TRIM71: variants seen among roughly 807,000 people sequenced by gnomAD.
The protein encoded by TRIM71 is E3 ubiquitin-protein ligase TRIM71.
A neutral mutation model predicts 61.2 loss-of-function variants in TRIM71; 9 were observed. The observed-to-expected ratio is 0.15, with a 90% CI of 0.09 to 0.26. The LOEUF (loss-of-function observed/expected upper bound fraction) is 0.26. TRIM71 is among the 10% of genes least tolerant of loss of function. The pLI, the probability that TRIM71 is intolerant of heterozygous loss-of-function variation, is 1.00. For synonymous variants in TRIM71, 645 were observed against 553.2 expected (o/e 1.17, Z -2.33); for missense variants, 998 against 1,238.7 (o/e 0.81, Z 2.92).
chr3:32,891,907 G>T lies in TRIM71; in HGVS notation c.*96G>T. ...CTCTCTCTTTTTGAATTTCAAAGAA[G>T]AAACAGTCTCAGGGAAATTTCTTTT... On this transcript the variant is annotated 3_prime_UTR_variant, in exon 4 of 4. Coordinates refer to ENST00000383763, the MANE Select transcript of TRIM71 (RefSeq NM_001039111.3). The surrounding 1 kb of genome is among the most constrained non-coding windows in gnomAD (Gnocchi z 8.2). 2 of 1,484,244 alleles carry T rather than the reference G, an allele frequency of 1.3e-6. No homozygotes were observed. Among genetic ancestry groups the T allele is most frequent in the Non-Finnish European group, 1.8e-6 (2 of 1,121,316 alleles). The allele number at this position is 1,484,244 out of a possible 1,614,324, so 91.9% of individuals were successfully genotyped here. A position where few individuals can be genotyped will look rare whatever the true frequency, so the allele number is the denominator to read the frequency against.
rs1696084661 is a variant in TRIM71 at position 32,818,466 on chromosome 3, A to C, written c.386A>C (p.Glu129Ala). The C allele has an allele frequency of 1.4e-6, 2 of 1,453,820 alleles. No homozygotes were observed. The highest frequency in any genetic ancestry group is 1.8e-6 in the Non-Finnish European group (2 of 1,107,818). 90.1% of individuals were successfully genotyped at this position (1,453,820 alleles called of 1,614,324 possible). A position where few individuals can be genotyped will look rare whatever the true frequency, so the allele number is the denominator to read the frequency against. The part of the protein sequence containing the change: ...LLDAVVATAD[E>A]PPPKNGRAGA... ...GACGCGGTGGTGGCCACTGCCGACG[A>C]GCCGCCGCCCAAGAACGGGCGCGCC... is the stretch of plus-strand genomic sequence containing the variant. Residue 129 changes from glutamate (E) to alanine (A), a missense_variant, in exon 1 of 4, where the codon GAG becomes GCG. This residue lies in a region of TRIM71 where 527 missense variants were observed against 427.8 expected (regional missense o/e 1.23). Transcript: ENST00000383763.
chr3:32,869,638 A>T (rs539963511), intron 1 of TRIM71, among the ~76,000 whole-genome samples: 1 of 152,230 alleles, frequency 6.6e-6, no homozygotes, highest in Admixed American at 6.5e-5. Flanking sequence ...TTGTATTTTT[A>T]TTTATTTATT....
chr3:32,863,705 C>A (rs558274714), intron 1 of TRIM71, among the ~76,000 whole-genome samples: 1 of 151,966 alleles, frequency 6.6e-6, no homozygotes, highest in Non-Finnish European at 1.5e-5. Context: ...TTTTTTGAGA[C>A]GGAGTCTCCT....
At position 32,891,865 on chromosome 3, in the gene TRIM71, T is replaced by TCC; in HGVS notation, c.*55_*56insCC. On this transcript the variant is annotated 3_prime_UTR_variant, in exon 4 of 4. Transcript: ENST00000383763. This position sits in a 1 kb window ranked among gnomAD's most constrained non-coding sequence, Gnocchi z 8.2. ...GTGTGTGTGCGTGTCTCTCTCTCTC[T>TCC]CTCTCTCTTTCTCTTTCTCTCTCTT... The TCC allele has an allele frequency of 1.9e-6, 3 of 1,561,108 alleles. No individual in the cohort carries two copies. Among genetic ancestry groups the TCC allele is most frequent in the South Asian group, 2.4e-5 (2 of 84,140 alleles).
chr3:32,853,997 C>G (rs980957815), intron 1 of TRIM71, among the ~76,000 whole-genome samples: 3 of 151,258 alleles, frequency 2.0e-5, no homozygotes, highest in Non-Finnish European at 4.4e-5. Context: ...GAGCGAGACT[C>G]CCATCTCAAA....
At position 32,887,819 on chromosome 3, in the gene TRIM71, CACT is replaced by C. The variant is rs1241305726; in HGVS notation, c.1155+1752_1155+1754del. ...CTCTCCATACACATGTATCCTGGTTCACTGAACAGATGAAAAAGCAGGAATGAG... is the reference window on the plus strand; with the variant it reads ...CTCTCCATACACATGTATCCTGGTTCGAACAGATGAAAAAGCAGGAATGAG... On this transcript the variant is annotated intron_variant, in intron 3 of 3. Coordinates refer to ENST00000383763, the MANE Select transcript of TRIM71 (RefSeq NM_001039111.3). 2.6e-5 allele frequency among the ~76,000 whole-genome samples: 4 copies of C among 152,128 alleles called. No homozygotes were observed. The East Asian group carries it at 7.7e-4, about 29-fold the overall frequency.
chr3:32,888,434 CAAAAAAAA>C (rs56834147), intron 3 of TRIM71, among the ~76,000 whole-genome samples: 27 of 95,844 alleles, frequency 2.8e-4, no homozygotes, highest in African/African-American at 1.2e-3. Context: ...CCATCTCTAC[CAAAAAAAA>C]AAAAAAAAAA....
intron 1 of TRIM71, among the ~76,000 whole-genome samples, chr3:32,858,586 C>T (rs1043488210): frequency 4.6e-5 from 7 of 152,122 alleles, no homozygotes; most frequent in Non-Finnish European, 8.8e-5. Flanking sequence ...AGCTGAACAG[C>T]CTGAGCCTCC....
At chr3:32,863,134 C>G (rs1696692209) in intron 1 of TRIM71, among the ~76,000 whole-genome samples, 1 of 149,080 alleles carries the variant, frequency 6.7e-6, no homozygotes, top group African/African-American at 2.5e-5. Flanking sequence ...CCCTCAACAA[C>G]TTAGGTTGTC....
chr3:32,853,433 T>C (rs189079866), intron 1 of TRIM71, among the ~76,000 whole-genome samples: 1 of 152,264 alleles, frequency 6.6e-6, no homozygotes, highest in East Asian at 1.9e-4. Context: ...TCTCATTCTT[T>C]TTAATGGTTG....
rs1214760147 is a variant in TRIM71, at chr3:32,891,578, G to C, written c.2374G>C (p.Gly792Arg). 1.2e-6 allele frequency: 2 copies of C among 1,613,782 alleles called. No individual in the cohort carries two copies. The highest frequency in any genetic ancestry group is 2.7e-5 in the African/African-American group (2 of 74,948). The change falls in exon 4 of 4, where the codon GGG (glycine) becomes CGG (arginine). Residue 792 changes from glycine (G) to arginine (R), a missense_variant. Gly to Arg is a moderately radical substitution (Grantham distance 125, BLOSUM62 -2). This residue lies in a region of TRIM71 where 95 missense variants were observed against 159.0 expected (regional missense o/e 0.60). Coordinates refer to ENST00000383763, the MANE Select transcript of TRIM71 (RefSeq NM_001039111.3). The surrounding 1 kb of genome is among the most constrained non-coding windows in gnomAD (Gnocchi z 8.2). Reference protein sequence around the residue: ...RFLGSEGTGNGQFLRPQGVAV... With the variant: ...RFLGSEGTGNRQFLRPQGVAV... ...TCTGGGCTCGGAGGGCACAGGCAATGGGCAGTTCCTGCGCCCACAAGGGGT... is the reference window on the plus strand; with the variant it reads ...TCTGGGCTCGGAGGGCACAGGCAATCGGCAGTTCCTGCGCCCACAAGGGGT...
At chr3:32,859,435 T>C (rs956186811) in intron 1 of TRIM71, among the ~76,000 whole-genome samples, 1 of 152,054 alleles carries the variant, frequency 6.6e-6, no homozygotes, top group South Asian at 2.1e-4. Flanking sequence ...AATTGTGTTT[T>C]TTTAGTAGAG....
rs1180516979 is a variant in TRIM71, at chr3:32,818,489, G to T, written c.409G>T (p.Ala137Ser). 11 of 1,431,290 alleles carry T rather than the reference G, an allele frequency of 7.7e-6. No homozygotes were observed. The highest frequency in any genetic ancestry group is 8.2e-6 in the Non-Finnish European group (9 of 1,095,750). 88.7% of individuals were successfully genotyped at this position (1,431,290 alleles called of 1,614,324 possible). Residue 137 changes from alanine to serine, a missense_variant, in exon 1 of 4, where the codon GCC becomes TCC. By Grantham distance (99) the Ala-to-Ser change is moderately conservative. This residue lies in a region of TRIM71 where 527 missense variants were observed against 427.8 expected (regional missense o/e 1.23). Transcript: ENST00000383763. Reference sequence around the variant, plus strand: ...CGAGCCGCCGCCCAAGAACGGGCGCGCCGGCGCTCCGGCGGGAGCGGGCGG... The same window carrying T: ...CGAGCCGCCGCCCAAGAACGGGCGCTCCGGCGCTCCGGCGGGAGCGGGCGG... The part of the protein sequence containing the change: ...ADEPPPKNGR[A>S]GAPAGAGGHS...
intron 1 of TRIM71, among the ~76,000 whole-genome samples, chr3:32,863,229 G>C (rs923920577): frequency 1.7e-5 from 2 of 115,964 alleles, no homozygotes; most frequent in African/African-American, 6.8e-5. Flanking sequence ...TTTGGAGCTG[G>C]TCTTGCTGTG....
chr3:32,824,319 A>C (rs1696175795), intron 1 of TRIM71, among the ~76,000 whole-genome samples: 1 of 150,950 alleles, frequency 6.6e-6, no homozygotes, highest in Non-Finnish European at 1.5e-5. Context: ...CGGGGATTAC[A>C]GGCGCTCGTC....
chr3:32,823,682 G>A (rs1370193827), intron 1 of TRIM71, among the ~76,000 whole-genome samples: 2 of 146,326 alleles, frequency 1.4e-5, no homozygotes, highest in African/African-American at 2.6e-5. Flanking sequence ...AAACCCAGGA[G>A]GCGGAGGTTG....
At chr3:32,881,850 C>T (rs1197233886) in intron 2 of TRIM71, among the ~76,000 whole-genome samples, 3 of 152,120 alleles carry the variant, frequency 2.0e-5, no homozygotes, top group Non-Finnish European at 2.9e-5. Flanking sequence ...CTGGGTCGTG[C>T]GTAATTTGGA....
At chr3:32,840,473 C>G (rs1027451768) in intron 1 of TRIM71, among the ~76,000 whole-genome samples, 1 of 152,178 alleles carries the variant, frequency 6.6e-6, no homozygotes, top group Non-Finnish European at 1.5e-5. Context: ...AGAGATTGCT[C>G]TCTCCTGAAC....
intron 1 of TRIM71, among the ~76,000 whole-genome samples, chr3:32,840,603 C>T (rs1284592626): frequency 6.6e-6 from 1 of 152,188 alleles, no homozygotes; most frequent in Non-Finnish European, 1.5e-5. Context: ...ACAGGGCATG[C>T]AGTGGGGGTA....
Sources: gnomAD v4.1 joint callset for allele counts (sites outside exome capture counted in the v4.1 genomes callset) on GRCh38, gnomAD v4.1.1 for gene constraint, gnomAD v4.1.1 regional missense constraint, Gnocchi (gnomAD v3.1) non-coding constraint, MANE v1.5 for transcripts, NCBI Gene and HGNC (gene_info 2026-07-23, HGNC 2026-07-21) for gene names.